STAB2: variants seen among roughly 807,000 people sequenced by gnomAD.
STAB2 encodes the protein stabilin 2, also known as stabilin-2.
In STAB2, 288 loss-of-function variants were observed where a neutral mutation model predicts 338.1. That is an observed-to-expected ratio of 0.85 (90% CI 0.77 to 0.94). The LOEUF (loss-of-function observed/expected upper bound fraction) is 0.94. Ranked by LOEUF, STAB2 falls within the 40% of genes least tolerant of loss-of-function variation. STAB2 has a pLI of 0.00. For synonymous variants in STAB2, 1,202 were observed against 1,193.3 expected, an observed-to-expected ratio of 1.01 and a Z score of -0.15; for missense variants, 3,141 against 3,210.1, an observed-to-expected ratio of 0.98 and a Z score of 0.52.
intron 15 of STAB2, chr12:103,657,569 T>C (rs1874286575): frequency 6.6e-6 from 1 of 152,188 alleles, no homozygotes; most frequent in Non-Finnish European, 1.5e-5. Flanking sequence ...TGAGATGACA[T>C]TTATAGCTTG....
chr12:103,679,527 C>G (rs926245061), intron 25 of STAB2, among the ~76,000 whole-genome samples: 6 of 152,076 alleles, frequency 3.9e-5, no homozygotes, highest in East Asian at 1.9e-4. Context: ...AAATCCTCAA[C>G]GTTGACATGT....
At chr12:103,618,999 G>A (rs1272766791) in intron 3 of STAB2, among the ~76,000 whole-genome samples, 2 of 152,140 alleles carry the variant, frequency 1.3e-5, no homozygotes, top group Non-Finnish European at 1.5e-5. Flanking sequence ...ATGCCCTCTT[G>A]CCTGCTGCCG....
chr12:103,613,007 T>C (rs536142306), intron 3 of STAB2, among the ~76,000 whole-genome samples: 46 of 152,322 alleles, frequency 3.0e-4, no homozygotes, highest in African/African-American at 1.1e-3. Flanking sequence ...CAGCAAATAT[T>C]GGTGAACAGC....
chr12:103,753,096 G>A (rs1883806644), intron 60 of STAB2, 124 bp from the exon 61 acceptor site: 1 of 1,153,200 alleles, frequency 8.7e-7, no homozygotes. Context: ...TGAAGGGAAA[G>A]TGGCTTCTGG....
rs1046183890 is a variant in STAB2 at position 103,687,443 on chromosome 12, G to C, written c.2998-725G>C. ...CAACTGTAAGTCATAGAGGAGCCAG[G>C]GCCATCTTTTCCCTTCAATATCTTA... On this transcript the variant is annotated intron_variant, in intron 27 of 68. Transcript: ENST00000388887. Among the ~76,000 whole-genome samples, 2 of 151,882 alleles carry C rather than the reference G, an allele frequency of 1.3e-5. 1 individual carries two copies. The highest frequency in any genetic ancestry group is 3.9e-4 in the East Asian group (2 of 5,180).
At chr12:103,630,263 G>T (rs1392683769) in intron 5 of STAB2, among the ~76,000 whole-genome samples, 2 of 152,322 alleles carry the variant, frequency 1.3e-5, no homozygotes, top group East Asian at 1.9e-4. Flanking sequence ...GAAGATCAAG[G>T]TGGGAGACAG....
At chr12:103,636,173 A>C (rs559657820) in intron 6 of STAB2, among the ~76,000 whole-genome samples, 1 of 149,308 alleles carries the variant, frequency 6.7e-6, no homozygotes, top group Admixed American at 6.6e-5. Flanking sequence ...CATTAGGTGT[A>C]TCTCCTAATG....
intron 33 of STAB2, among the ~76,000 whole-genome samples, chr12:103,696,786 T>C (rs1001531103): frequency 1.4e-4 from 22 of 152,168 alleles, no homozygotes; most frequent in African/African-American, 5.3e-4. Flanking sequence ...GGGGTGATCA[T>C]GAGGATTCTT....
chr12:103,610,372 A>T (rs1377370446), intron 3 of STAB2, among the ~76,000 whole-genome samples: 2 of 152,120 alleles, frequency 1.3e-5, no homozygotes, highest in Non-Finnish European at 2.9e-5. Context: ...AGAGCCTGTT[A>T]TTGGTCTATT....
intron 66 of STAB2, 99 bp from the exon 67 acceptor site, chr12:103,762,175 T>C: frequency 2.6e-6 from 4 of 1,517,502 alleles, no homozygotes; most frequent in Non-Finnish European, 3.6e-6. Flanking sequence ...TCAGTATTTT[T>C]ATCCCCACTG....
At chr12:103,627,546 T>C (rs554979129) in intron 5 of STAB2, among the ~76,000 whole-genome samples, 4 of 152,250 alleles carry the variant, frequency 2.6e-5, no homozygotes, top group Non-Finnish European at 5.9e-5. Context: ...AATGATGATC[T>C]GGGAAACCCT....
At chr12:103,714,660 C>T (rs1211085418) in intron 42 of STAB2, among the ~76,000 whole-genome samples, 2 of 150,558 alleles carry the variant, frequency 1.3e-5, no homozygotes, top group African/African-American at 4.9e-5. Context: ...GCACTCCAGC[C>T]TGGGCGATGG....
rs985641146 is a variant in STAB2, at chr12:103,622,195, A to T, written c.487+84A>T. ...ATTGCTCCTTGAGGAGAAAACACTG[A>T]ATAGTTATGTGTGATAAAAAAGAAA... On this transcript the variant is annotated intron_variant, in intron 5 of 68. Transcript: ENST00000388887. 5.5e-5 allele frequency: 77 copies of T among 1,401,318 alleles called. No individual in the cohort carries two copies. In the East Asian group the frequency reaches 1.6e-3, roughly 29 times the overall value. 86.8% of individuals were successfully genotyped at this position (1,401,318 alleles called of 1,614,324 possible).
At chr12:103,737,596 CTCTCTTTCTCTT>C in intron 52 of STAB2, 26 bp from the exon 53 acceptor site, 12 of 1,353,066 alleles carry the variant, frequency 8.9e-6, no homozygotes, top group South Asian at 1.4e-5. Flanking sequence ...CTCTCTCTCT[CTCTCTTTCTCTT>C]TTTTTTTTTT....
chr12:103,680,716 G>A (rs757399784), intron 25 of STAB2, among the ~76,000 whole-genome samples: 22 of 152,236 alleles, frequency 1.4e-4, no homozygotes, highest in Non-Finnish European at 2.9e-4. Flanking sequence ...CCAAGGCCCT[G>A]CACCTCACCC....
chr12:103,625,483 T>C (rs1354081093), intron 5 of STAB2, among the ~76,000 whole-genome samples: 1 of 152,202 alleles, frequency 6.6e-6, no homozygotes, highest in African/African-American at 2.4e-5. Context: ...TAACATTAGG[T>C]ATATCTCCTA....
chr12:103,700,572 G>C (rs1451815643), intron 34 of STAB2, among the ~76,000 whole-genome samples: 1 of 152,202 alleles, frequency 6.6e-6, no homozygotes, highest in South Asian at 2.1e-4. Context: ...ACTTGGAAGA[G>C]GCCCTTTTAA....
At chr12:103,702,330 C>T (rs1397964433) in intron 34 of STAB2, among the ~76,000 whole-genome samples, 3 of 147,410 alleles carry the variant, frequency 2.0e-5, no homozygotes, top group Non-Finnish European at 4.4e-5. Context: ...CTCGCTCTGT[C>T]GCCCAGGCCG....
At chr12:103,621,106 CA>C (rs140972076) in intron 4 of STAB2, among the ~76,000 whole-genome samples, 30 of 143,172 alleles carry the variant, frequency 2.1e-4, no homozygotes, top group African/African-American at 5.7e-4. Flanking sequence ...CACCCCCACC[CA>C]AAAAAAAAAG....
Sources: gnomAD v4.1 joint callset for allele counts (sites outside exome capture counted in the v4.1 genomes callset) on GRCh38, gnomAD v4.1.1 for gene constraint, MANE v1.5 for transcripts, NCBI Gene and HGNC (gene_info 2026-07-23, HGNC 2026-07-21) for gene names.